The following TENM3 variants were observed in gnomAD, a reference collection of about 807,000 sequenced individuals.
The protein encoded by TENM3 is teneurin transmembrane protein 3.
Under a neutral mutation model 255.1 loss-of-function variants are expected in TENM3, and 63 were observed. That is an observed-to-expected ratio of 0.25 (90% confidence interval 0.20 to 0.30). The LOEUF is 0.30. TENM3 is among the 10% of genes least tolerant of loss of function. The pLI is 1.00. For missense variants in TENM3, 2,929 were observed against 3,461.1 expected (o/e 0.85, Z 3.86); for synonymous variants, 1,306 against 1,322.3 (o/e 0.99, Z 0.27).
chr4:182,731,697 GTGTGTGTGTGTGTGT>G (rs1760736607), intron 16 of TENM3, among the ~76,000 whole-genome samples: 1 of 76,510 alleles, frequency 1.3e-5, no homozygotes, highest in African/African-American at 3.8e-5. Flanking sequence ...GTGTTGGGGT[GTGTGTGTGTGTGTGT>G]GTGTGTGTGT....
chr4:182,496,758 T>TA (rs1016227317), intron 3 of TENM3, among the ~76,000 whole-genome samples: 3 of 152,192 alleles, frequency 2.0e-5, no homozygotes, highest in African/African-American at 7.2e-5. Flanking sequence ...CGATTTATCA[T>TA]AAAAACCTGT....
chr4:182,416,469 T>G (rs979611107), intron 3 of TENM3, among the ~76,000 whole-genome samples: 2 of 152,208 alleles, frequency 1.3e-5, no homozygotes. Context: ...CCTTTAAAAG[T>G]TCTTTGAGTC....
intron 3 of TENM3, among the ~76,000 whole-genome samples, chr4:182,521,175 C>G (rs372158396): frequency 2.0e-4 from 30 of 152,310 alleles, no homozygotes; most frequent in African/African-American, 7.2e-4. Flanking sequence ...AAGGAAGTAT[C>G]ATGCACTCTG....
chr4:182,613,998 T>G (rs1371068947), intron 4 of TENM3, among the ~76,000 whole-genome samples: 1 of 152,190 alleles, frequency 6.6e-6, no homozygotes, highest in Non-Finnish European at 1.5e-5. Context: ...TGTAATAGAT[T>G]TGAGACCACA....
At chr4:182,708,581 T>G (rs940603279) in intron 12 of TENM3, among the ~76,000 whole-genome samples, 1 of 152,042 alleles carries the variant, frequency 6.6e-6, no homozygotes, top group African/African-American at 2.4e-5. Context: ...GGGTGGATCA[T>G]GAGGTCAGGA....
chr4:181,684,122 C>T, the TENM3 span, among the ~76,000 whole-genome samples: 1 of 152,114 alleles, frequency 6.6e-6, no homozygotes, highest in African/African-American at 2.4e-5. Flanking sequence ...GCGTTCCTGG[C>T]GTCCTCCACA....
chr4:181,632,550 A>C, the TENM3 span, among the ~76,000 whole-genome samples: 2 of 152,220 alleles, frequency 1.3e-5, no homozygotes, highest in Non-Finnish European at 2.9e-5. Context: ...TGGGAAAATG[A>C]GAGGAGATCT....
At chr4:182,692,622 C>T (rs1310924032) in intron 12 of TENM3, among the ~76,000 whole-genome samples, 1 of 152,066 alleles carries the variant, frequency 6.6e-6, no homozygotes, top group Non-Finnish European at 1.5e-5. Flanking sequence ...ATCCAGGAGA[C>T]AGAAATGGAG....
Position 182,324,152 on chromosome 4 carries a change from C to A in TENM3, c.132C>A (p.Ser44Arg), listed in dbSNP as rs762640592. 3 of 1,613,844 alleles carry A rather than the reference C, an allele frequency of 1.9e-6. No homozygotes were observed. Among genetic ancestry groups the A allele is most frequent in the Non-Finnish European group, 2.5e-6 (3 of 1,179,880 alleles). ...CCACACAGAAGTCCTACAGTTCCAGCGAGACATTGAAAGCTTTTGATCATG... is the reference window on the plus strand; with the variant it reads ...CCACACAGAAGTCCTACAGTTCCAGAGAGACATTGAAAGCTTTTGATCATG... ...RVPTQKSYSS[S>R]ETLKAFDHDS... The change falls in exon 2 of 28, where the codon AGC becomes AGA. Residue 44 changes from serine (S) to arginine (R), a missense_variant. Physicochemically the swap from Ser to Arg is moderately radical, Grantham distance 110 (BLOSUM62 -1). This residue lies in a region of TENM3 where 283 missense variants were observed against 256.9 expected (regional missense o/e 1.10). Coordinates refer to ENST00000511685, the MANE Select transcript of TENM3 (RefSeq NM_001080477.4).
At chr4:182,385,106 C>T (rs1767821754) in intron 3 of TENM3, among the ~76,000 whole-genome samples, 2 of 152,064 alleles carry the variant, frequency 1.3e-5, no homozygotes, top group South Asian at 4.1e-4. Flanking sequence ...AACACATCAT[C>T]AGGCATCCTG....
chr4:182,658,030 TG>T (rs1325725506), intron 6 of TENM3, among the ~76,000 whole-genome samples: 1 of 152,190 alleles, frequency 6.6e-6, no homozygotes, highest in Non-Finnish European at 1.5e-5. Flanking sequence ...CCCTTACAGT[TG>T]GGCTTTCACA....
At chr4:182,299,758 G>A (rs527795043) in intron 1 of TENM3, among the ~76,000 whole-genome samples, 49 of 151,688 alleles carry the variant, frequency 3.2e-4, no homozygotes, top group South Asian at 2.1e-4. Context: ...GACTGATGGC[G>A]GAGGATGCCA....
At chr4:181,919,670 C>T in the TENM3 span, among the ~76,000 whole-genome samples, 1 of 151,840 alleles carries the variant, frequency 6.6e-6, no homozygotes, top group African/African-American at 2.4e-5. Context: ...GTGACACAAT[C>T]GATCGGCATG....
chr4:181,674,074 C>A, the TENM3 span, among the ~76,000 whole-genome samples: 4 of 152,264 alleles, frequency 2.6e-5, no homozygotes, highest in Admixed American at 1.3e-4. Context: ...CAGCTCACTG[C>A]AACCTCCACC....
At chr4:181,768,689 A>G in the TENM3 span, among the ~76,000 whole-genome samples, 1 of 152,178 alleles carries the variant, frequency 6.6e-6, no homozygotes, top group Non-Finnish European at 1.5e-5. Flanking sequence ...GTTATTCATA[A>G]GTATGCTTTT....
the TENM3 span, among the ~76,000 whole-genome samples, chr4:181,942,758 T>C: frequency 6.6e-6 from 1 of 152,174 alleles, no homozygotes; most frequent in African/African-American, 2.4e-5. Flanking sequence ...TTTCATGAAA[T>C]GAGGGAGAAT....
chr4:181,602,131 A>G, the TENM3 span, among the ~76,000 whole-genome samples: 2 of 152,200 alleles, frequency 1.3e-5, no homozygotes, highest in African/African-American at 2.4e-5. Context: ...TAAAGTGAAA[A>G]GCAACTAAAA....
the TENM3 span, among the ~76,000 whole-genome samples, chr4:181,697,716 A>C: frequency 6.6e-6 from 1 of 152,084 alleles, no homozygotes; most frequent in Non-Finnish European, 1.5e-5. Context: ...ATAATGTTGT[A>C]TTACAGTACA....
intron 1 of TENM3, among the ~76,000 whole-genome samples, chr4:182,227,313 G>A (rs541951567): frequency 6.6e-6 from 1 of 152,260 alleles, no homozygotes; most frequent in Non-Finnish European, 1.5e-5. Context: ...CCTGGACCCT[G>A]GAGCTTCACC....
Sources: allele counts gnomAD v4.1 joint callset (sites outside exome capture counted in the v4.1 genomes callset), GRCh38; gene constraint gnomAD v4.1.1; regional missense constraint gnomAD v4.1.1; transcripts MANE v1.5; gene names NCBI Gene and HGNC (gene_info 2026-07-23, HGNC 2026-07-21).